Variants in CEBPZ observed in about 807,000 individuals in gnomAD.
CEBPZ encodes CCAAT enhancer binding protein zeta.
In CEBPZ, 78 loss-of-function variants were observed where a neutral mutation model predicts 104.5. That is an observed-to-expected ratio of 0.75 (90% CI 0.62 to 0.90). The LOEUF is 0.90. CEBPZ is among the 40% of genes least tolerant of loss of function. The pLI is 0.00. For synonymous variants in CEBPZ, 470 were observed against 427.0 expected, an observed-to-expected ratio of 1.10 and a Z score of -1.24; for missense variants, 1,439 against 1,233.5, an observed-to-expected ratio of 1.17 and a Z score of -2.50.
intron 5 of CEBPZ, among the ~76,000 whole-genome samples, chr2:37,219,770 A>G (rs1664723247): frequency 6.6e-6 from 1 of 152,162 alleles, no homozygotes; most frequent in Non-Finnish European, 1.5e-5. Context: ...TTATCATAAA[A>G]CTTTTCAGAG....
intron 2 of CEBPZ, 152 bp from the exon 3 acceptor site, chr2:37,223,553 G>A (rs954392441): frequency 4.6e-6 from 3 of 656,698 alleles, no homozygotes; most frequent in African/African-American, 3.7e-5. Context: ...GAGGTAAGAT[G>A]GAAGTCAATG....
chr2:37,221,590 C>T (rs974638749), intron 4 of CEBPZ, among the ~76,000 whole-genome samples: 1 of 152,154 alleles, frequency 6.6e-6, no homozygotes, highest in African/African-American at 2.4e-5. Flanking sequence ...AAAGATTTTT[C>T]AGAACAAACT....
chr2:37,221,871 AT>A (rs929514086), intron 4 of CEBPZ, among the ~76,000 whole-genome samples: 8 of 151,712 alleles, frequency 5.3e-5, no homozygotes, highest in African/African-American at 1.7e-4. Flanking sequence ...CATTTCTAAG[AT>A]TTTTTTTTGA....
At position 37,227,709 on chromosome 2, in the gene CEBPZ, G is replaced by C. The variant is rs1345370404; in HGVS notation, c.1484C>G (p.Pro495Arg). The change falls in exon 2 of 16, where the codon CCT becomes CGT. Residue 495 changes from proline to arginine, a missense_variant. By Grantham distance (103) the Pro-to-Arg change is moderately radical (BLOSUM62 -2). Transcript: ENST00000234170. ...TTTGTCATCACCAGTCTGGGAATAA[G>C]GGTATGCCCTATTCACACCTGTTAA... is the stretch of plus-strand genomic sequence containing the variant. ...ALLTGVNRAY[P>R]YSQTGDDKVR... is the part of the protein sequence containing the mutation. 1.2e-6 allele frequency: 2 copies of C among 1,614,150 alleles called. No homozygotes were observed. The highest frequency in any genetic ancestry group is 1.7e-6 in the Non-Finnish European group (2 of 1,180,028).
intron 5 of CEBPZ, among the ~76,000 whole-genome samples, 196 bp downstream of exon 5, chr2:37,220,189 C>A (rs946349953): frequency 2.6e-5 from 4 of 151,444 alleles, no homozygotes; most frequent in South Asian, 2.1e-4. Context: ...TGGTGGTGGG[C>A]GCCTGTAATC....
At chr2:37,210,133 T>C (rs1357206461) in intron 13 of CEBPZ, 1 of 152,160 alleles carries the variant, frequency 6.6e-6, no homozygotes, top group East Asian at 1.9e-4. Context: ...ATTTCAGATG[T>C]TGGCATGGAT....
intron 2 of CEBPZ, among the ~76,000 whole-genome samples, chr2:37,224,583 A>G (rs1185975032): frequency 6.6e-6 from 1 of 151,428 alleles, no homozygotes; most frequent in Non-Finnish European, 1.5e-5. Flanking sequence ...TTTACATTTA[A>G]ATTTTCCAAC....
chr2:37,220,405 T>C lies in CEBPZ; in HGVS notation c.2134A>G (p.Ser712Gly). 1 of 1,588,718 alleles carries C rather than the reference T, an allele frequency of 6.3e-7. No individual in the cohort carries two copies. Among genetic ancestry groups the C allele is most frequent in the Admixed American group, 1.7e-5 (1 of 58,656 alleles). ...NPLFCGAENT[S>G]LWELKKLSVH... ...TTTACCTTTTTGAGTTCCCAAAGAC[T>C]TGTATTTTCAGCTCCACAGAACAGA... Residue 712 changes from serine to glycine, a missense_variant, in exon 5 of 16, where the codon AGT (serine) becomes GGT (glycine). Transcript: ENST00000234170.
chr2:37,222,464 C>T lies in CEBPZ; in HGVS notation c.1981G>A (p.Glu661Lys), dbSNP rs1336460673. Residue 661 changes from glutamate to lysine, a missense_variant, in exon 4 of 16, where the codon GAG (glutamate) becomes AAG (lysine). Physicochemically the swap from Glu to Lys is moderately conservative, Grantham distance 56. Coordinates refer to ENST00000234170, the MANE Select transcript of CEBPZ (RefSeq NM_005760.3). ...DKETEIVKKL[E>K]TEETVPETDV... is the part of the protein sequence containing the mutation. ...GTTTCAGGAACTGTTTCCTCTGTCT[C>T]AAGTTTTTTCACTATCTCTGTTTCT... 1 of 1,611,590 alleles carries T rather than the reference C, an allele frequency of 6.2e-7. No homozygotes were observed. Among genetic ancestry groups the T allele is most frequent in the Non-Finnish European group, 8.5e-7 (1 of 1,179,290 alleles).
chr2:37,216,065 C>T (rs1677859048), intron 8 of CEBPZ, 75 bp downstream of exon 8: 1 of 1,102,134 alleles, frequency 9.1e-7, no homozygotes, highest in African/African-American at 1.6e-5. Flanking sequence ...TAAATTAGAA[C>T]AAAGAATAAT....
chr2:37,204,297 G>A (rs1440418839), intron 13 of CEBPZ: 2 of 38,912 alleles, frequency 5.1e-5, no homozygotes, highest in South Asian at 1.9e-3. Flanking sequence ...TTTTTTTTTT[G>A]AGACAGAGTC....
At chr2:37,227,018 C>T (rs1056349805) in intron 2 of CEBPZ, among the ~76,000 whole-genome samples, 7 of 152,120 alleles carry the variant, frequency 4.6e-5, no homozygotes, top group African/African-American at 1.4e-4. Context: ...TGAATGTGAG[C>T]GCCTCCAGGG....
Position 37,216,188 on chromosome 2 carries a change from T to A in CEBPZ, c.2332A>T (p.Met778Leu). The A allele has an allele frequency of 6.2e-7, 1 of 1,613,354 alleles. No individual in the cohort carries two copies. The highest frequency in any genetic ancestry group is 1.3e-5 in the African/African-American group (1 of 75,038). The change falls in exon 8 of 16, where the codon ATG becomes TTG. Residue 778 changes from methionine to leucine, a missense_variant. Transcript: ENST00000234170. Reference sequence around the variant, plus strand: ...ATAAAATGTTTTCTTTTCGGCTGCATCACAACACTATCTGTGTTTTCTGAA... The same window carrying A: ...ATAAAATGTTTTCTTTTCGGCTGCAACACAACACTATCTGTGTTTTCTGAA... ...KGKENTDSVV[M>L]QPKRKHFIKD...
At chr2:37,213,749 GAT>G in intron 10 of CEBPZ, 113 bp downstream of exon 10, 1 of 675,480 alleles carries the variant, frequency 1.5e-6, no homozygotes, top group Non-Finnish European at 2.5e-6. Context: ...TGATTTGCAT[GAT>G]ATTCTTAGCT....
chr2:37,204,852 G>A (rs993433476), intron 13 of CEBPZ: 1 of 152,152 alleles, frequency 6.6e-6, no homozygotes, highest in Non-Finnish European at 1.5e-5. Context: ...TTCTGAAACA[G>A]TACTTTACTA....
Position 37,222,402 on chromosome 2 carries a change from C to G in CEBPZ, c.2043G>C (p.Trp681Cys). 1 of 1,588,696 alleles carries G rather than the reference C, an allele frequency of 6.3e-7. No homozygotes were observed. Among genetic ancestry groups the G allele is most frequent in the Middle Eastern group, 1.7e-4 (1 of 5,960 alleles). ...CACCTTTCAAATTATCAAAGTGCACCCAGGAAGCAACCTCTGGTTTTTTGG... is the reference window on the plus strand; with the variant it reads ...CACCTTTCAAATTATCAAAGTGCACGCAGGAAGCAACCTCTGGTTTTTTGG... The part of the protein sequence containing the change: ...VETKKPEVAS[W>C]VHFDNLKGGK... The change falls in exon 4 of 16, where the codon TGG becomes TGC. Residue 681 changes from tryptophan (W) to cysteine (C), a missense_variant. Coordinates refer to ENST00000234170, the MANE Select transcript of CEBPZ (RefSeq NM_005760.3).
At chr2:37,227,096 A>T (rs1664904814) in intron 2 of CEBPZ, among the ~76,000 whole-genome samples, 1 of 152,212 alleles carries the variant, frequency 6.6e-6, no homozygotes, top group African/African-American at 2.4e-5. Flanking sequence ...GCACTCAGAA[A>T]ATACTTGTTG....
chr2:37,222,078 G>C (rs1664782403), intron 4 of CEBPZ, among the ~76,000 whole-genome samples: 1 of 152,198 alleles, frequency 6.6e-6, no homozygotes, highest in South Asian at 2.1e-4. Flanking sequence ...GAGGTCAGGA[G>C]TTTGAGACCA....
Position 37,216,344 on chromosome 2 carries a change from G to A in CEBPZ, c.2283C>T (p.Tyr761=). 6.2e-7 allele frequency: 1 copy of A among 1,613,780 alleles called. No individual in the cohort carries two copies. Among genetic ancestry groups the A allele is most frequent in the South Asian group, 1.1e-5 (1 of 91,056 alleles). ...TLMRFLDRFV[Y]RNPKPHKGKE... is the part of the protein sequence containing the mutation. Reference sequence around the variant, plus strand: ...TGCCTTTATGGGGCTTTGGATTTCGGTATACAAATCGATCCAAAAATCTCA... The same window carrying A: ...TGCCTTTATGGGGCTTTGGATTTCGATATACAAATCGATCCAAAAATCTCA... The change falls in exon 7 of 16, where the codon TAC becomes TAT. Residue 761 remains tyrosine, a synonymous_variant. Transcript: ENST00000234170.
Sources: gnomAD v4.1 joint callset for allele counts (sites outside exome capture counted in the v4.1 genomes callset) on GRCh38, gnomAD v4.1.1 for gene constraint, MANE v1.5 for transcripts, NCBI Gene and HGNC (gene_info 2026-07-23, HGNC 2026-07-21) for gene names.